Variants in FAM149A observed in about 807,000 individuals in gnomAD.
FAM149A encodes protein FAM149A.
A neutral mutation model predicts 78.2 loss-of-function variants in FAM149A; 71 were observed. The ratio of observed to expected loss-of-function variants is 0.91; its 90% CI spans 0.75 to 1.11. The LOEUF is 1.11. FAM149A is among the 50% of genes least tolerant of loss of function. FAM149A has a pLI of 0.00. For missense variants in FAM149A, 1,036 were observed against 971.0 expected (o/e 1.07, Z -0.89); for synonymous variants, 446 against 410.5 (o/e 1.09, Z -1.04).
chr4:186,157,100 G>T (rs1734092616), intron 7 of FAM149A, among the ~76,000 whole-genome samples: 1 of 152,128 alleles, frequency 6.6e-6, no homozygotes, highest in South Asian at 2.1e-4. Flanking sequence ...CATTGTTCGT[G>T]ACATTATCTG....
At chr4:186,109,426 T>A in intron 1 of FAM149A, 1 of 950,928 alleles carries the variant, frequency 1.1e-6, no homozygotes, top group East Asian at 1.2e-4. Flanking sequence ...CTAGAGGGAC[T>A]TATCTCGATT....
chr4:186,125,183 C>T (rs11730434), intron 1 of FAM149A: 203,151 of 852,592 alleles, frequency 0.24, 24,703 homozygotes, highest in Middle Eastern at 0.31. Context: ...ATTGGAAATC[C>T]TTGCTGTTGG....
At chr4:186,138,537 G>A (rs2099324460) in intron 1 of FAM149A, among the ~76,000 whole-genome samples, 1 of 152,106 alleles carries the variant, frequency 6.6e-6, no homozygotes, top group African/African-American at 2.4e-5. Context: ...CTCCTCCAGG[G>A]TCCACTTGAC....
At position 186,164,022 on chromosome 4, in the gene FAM149A, G is replaced by A. The variant is rs561892395; in HGVS notation, c.1889+389G>A. 2.6e-5 allele frequency among the ~76,000 whole-genome samples: 4 copies of A among 152,254 alleles called. No homozygotes were observed. The highest frequency in any genetic ancestry group is 2.1e-4 in the South Asian group (1 of 4,820). On this transcript the variant is annotated intron_variant, in intron 10 of 13. Coordinates refer to ENST00000389354, the MANE Select transcript of FAM149A (RefSeq NM_001367768.3). This position sits in a 1 kb window ranked among gnomAD's most constrained non-coding sequence, Gnocchi z 4.0. Reference sequence around the variant, plus strand: ...AAAATAAAAGGACTGTGTCCCTATCGGATTATCTTTAAGGATGCATTTTTC... The same window carrying A: ...AAAATAAAAGGACTGTGTCCCTATCAGATTATCTTTAAGGATGCATTTTTC...
In FAM149A at chr4:186,137,784, TA is replaced by T. The variant is rs1411842914; in HGVS notation, c.567-11388del. ...GTTATCATTTAATATCATATTTATT[TA>T]TTGCAATTTCCTGGACTCATTTAAA... On this transcript the variant is annotated intron_variant, in intron 1 of 13. Transcript: ENST00000389354. Among the ~76,000 whole-genome samples, 4 of 152,106 alleles carry T rather than the reference TA, an allele frequency of 2.6e-5. No homozygotes were observed. In the East Asian group the frequency reaches 5.8e-4, roughly 22 times the overall value.
At chr4:186,116,130 A>G (rs190175107) in intron 1 of FAM149A, among the ~76,000 whole-genome samples, 736 of 42,796 alleles carry the variant, frequency 0.017, 54 homozygotes, top group African/African-American at 0.057. Flanking sequence ...GAAAAGCGCA[A>G]TATTTGGGTG....
Position 186,144,753 on chromosome 4 carries a change from CG to C in FAM149A, c.567-4416del. ...CCGGGGCCGGGGCCGGGGCCCGGAGCGGGGATGGGCGGGCGCAGCCGGGATT... is the reference window on the plus strand; with the variant it reads ...CCGGGGCCGGGGCCGGGGCCCGGAGCGGGATGGGCGGGCGCAGCCGGGATT... On this transcript the variant is annotated intron_variant, in intron 1 of 13. Transcript: ENST00000389354. The surrounding 1 kb of genome is among the most constrained non-coding windows in gnomAD (Gnocchi z 4.2). The C allele has an allele frequency of 1.1e-6, 1 of 915,066 alleles. No homozygotes were observed. Among genetic ancestry groups the C allele is most frequent in the Non-Finnish European group, 1.3e-6 (1 of 766,178 alleles). 56.7% of individuals were successfully genotyped at this position (915,066 alleles called of 1,614,324 possible).
chr4:186,157,834 C>T lies in FAM149A; in HGVS notation c.1575+115C>T, dbSNP rs1009357513. On this transcript the variant is annotated intron_variant, in intron 8 of 13. Coordinates refer to ENST00000389354, the MANE Select transcript of FAM149A (RefSeq NM_001367768.3). The stretch of plus-strand genomic sequence containing the variant: ...TATTTGGGGCTGCTTTCCACGCTGC[C>T]CGCAGAGGGGTCCATGCAGGCTTTC... 2.6e-6 allele frequency: 4 copies of T among 1,558,754 alleles called. No homozygotes were observed. The Admixed American group carries it at 7.2e-5, about 28-fold the overall frequency.
rs374729250 is a variant in FAM149A, at chr4:186,171,945, G to A, written c.2250G>A (p.Arg750=). Residue 750 remains arginine, a synonymous_variant, in exon 14 of 14, where the codon AGG becomes AGA. Coordinates refer to ENST00000389354, the MANE Select transcript of FAM149A (RefSeq NM_001367768.3). ...AATATGTGCCTAAATCTTTTCAGAG[G>A]ACAACTTTGACTTTCAAGAGGAGAT... 1 of 1,611,916 alleles carries A rather than the reference G, an allele frequency of 6.2e-7. No homozygotes were observed. Among genetic ancestry groups the A allele is most frequent in the African/African-American group, 1.3e-5 (1 of 74,792 alleles).
In FAM149A at chr4:186,151,922, C is replaced by A. The variant is rs569913101; in HGVS notation, c.809C>A (p.Ser270Ter). 1.2e-6 allele frequency: 2 copies of A among 1,614,104 alleles called. No homozygotes were observed. Among genetic ancestry groups the A allele is most frequent in the South Asian group, 2.2e-5 (2 of 91,068 alleles). Residue 270 changes from serine (S) to a stop codon, truncating the protein, a stop_gained, in exon 4 of 14, where the codon TCA becomes TAA. Transcript: ENST00000389354. LOFTEE classifies it high-confidence loss of function. ...GTTTAGGAATTTGACGAAGCCAGTT[C>A]ACAGTCAGTGCAGCGGTTACTCTGG...
At chr4:186,158,434 C>G in intron 8 of FAM149A, 1 of 1,158,414 alleles carries the variant, frequency 8.6e-7, no homozygotes, top group Non-Finnish European at 1.1e-6. Context: ...TCTGGGCATG[C>G]GTGACACCAT....
chr4:186,148,848 A>G (rs1413082059), intron 1 of FAM149A, among the ~76,000 whole-genome samples: 1 of 152,166 alleles, frequency 6.6e-6, no homozygotes, highest in Non-Finnish European at 1.5e-5. Context: ...AATACTGTGA[A>G]CTGTTTGGGG....
intron 1 of FAM149A, chr4:186,122,989 G>C (rs544888399): frequency 5.9e-4 from 115 of 193,828 alleles, no homozygotes; most frequent in Non-Finnish European, 6.5e-4. Context: ...TCTGAAGAAG[G>C]AAAAATGGAA....
chr4:186,130,291 C>CTATATATATA (rs1362112901), intron 1 of FAM149A: 299 of 39,258 alleles, frequency 7.6e-3, no homozygotes, highest in Admixed American at 0.011. Flanking sequence ...CTCTCTCTCT[C>CTATATATATA]TCTATATATA....
At chr4:186,119,312 T>A (rs1233382897) in intron 1 of FAM149A, among the ~76,000 whole-genome samples, 5 of 152,220 alleles carry the variant, frequency 3.3e-5, no homozygotes, top group African/African-American at 1.2e-4. Context: ...TATTATGTAT[T>A]GAAAAAAGAG....
At chr4:186,168,747 A>C (rs532678116) in intron 13 of FAM149A, among the ~76,000 whole-genome samples, 7 of 152,184 alleles carry the variant, frequency 4.6e-5, no homozygotes, top group African/African-American at 1.7e-4. Flanking sequence ...TCAAGTGCTC[A>C]CTCTGTGCCA....
intron 1 of FAM149A, chr4:186,109,844 T>C (rs13114086): frequency 1.3e-5 from 13 of 985,126 alleles, no homozygotes; most frequent in South Asian, 9.4e-5. Flanking sequence ...GAACAAATTA[T>C]AGTACATGCC....
Position 186,154,967 on chromosome 4 carries a change from C to G in FAM149A, c.1229+329C>G. 4.6e-6 allele frequency: 4 copies of G among 869,424 alleles called. No homozygotes were observed. The South Asian group carries it at 2.1e-4, about 46-fold the overall frequency. 53.9% of individuals were successfully genotyped at this position (869,424 alleles called of 1,614,324 possible). ...CTCTGTACTAAATTCGTATTTTGTT[C>G]TTTTTTTTTTTTTGAGACGGAGTCT... On this transcript the variant is annotated intron_variant, in intron 6 of 13. Coordinates refer to ENST00000389354, the MANE Select transcript of FAM149A (RefSeq NM_001367768.3).
intron 1 of FAM149A, among the ~76,000 whole-genome samples, chr4:186,132,700 G>A (rs1271467787): frequency 6.6e-6 from 1 of 152,182 alleles, no homozygotes. Context: ...TGCTTGTCCA[G>A]GCTTAGTACA....
Sources: gnomAD v4.1 joint callset for allele counts (sites outside exome capture counted in the v4.1 genomes callset) on GRCh38, gnomAD v4.1.1 for gene constraint, Gnocchi (gnomAD v3.1) non-coding constraint, MANE v1.5 for transcripts, NCBI Gene and HGNC (gene_info 2026-07-23, HGNC 2026-07-21) for gene names.